RBFOX3: variants seen among roughly 807,000 people sequenced by gnomAD.
RBFOX3 encodes the protein RNA binding protein fox-1 homolog 3.
In RBFOX3, 17 loss-of-function variants were observed where a neutral mutation model predicts 48.7. The ratio of observed to expected loss-of-function variants is 0.35; its 90% CI spans 0.24 to 0.52. The LOEUF (loss-of-function observed/expected upper bound fraction) is 0.52. Ranked by LOEUF, RBFOX3 falls within the 20% of genes least tolerant of loss-of-function variation. The pLI is 0.94. For synonymous variants in RBFOX3, 212 were observed against 209.5 expected (o/e 1.01, Z -0.10); for missense variants, 382 against 497.5 (o/e 0.77, Z 2.21).
At chr17:79,636,153 G>A in the RBFOX3 span, among the ~76,000 whole-genome samples, 10 of 152,010 alleles carry the variant, frequency 6.6e-5, no homozygotes, top group Admixed American at 2.0e-4. Context: ...AGGGTGAGGG[G>A]GAGTATTTTC....
intron 1 of RBFOX3, among the ~76,000 whole-genome samples, chr17:79,521,063 C>T (rs1057259043): frequency 1.3e-5 from 2 of 152,154 alleles, no homozygotes; most frequent in East Asian, 1.9e-4. Context: ...TGGGAGGGGC[C>T]GGAAGACACG....
rs1300095342 is a variant in RBFOX3, at chr17:79,477,350, A to T, written c.-175+5104T>A. 1.3e-5 allele frequency among the ~76,000 whole-genome samples: 2 copies of T among 149,230 alleles called. No homozygotes were observed. The highest frequency in any genetic ancestry group is 3.0e-5 in the Non-Finnish European group (2 of 67,400). The stretch of plus-strand genomic sequence containing the variant: ...GGCAGGTGGATCACGAGGTCAGGAG[A>T]TCGAGATCATCCTGGCTAACACGGT... On this transcript the variant is annotated intron_variant, in intron 2 of 14. Coordinates refer to ENST00000693108, the MANE Select transcript of RBFOX3 (RefSeq NM_001350451.2). This position sits in a 1 kb window ranked among gnomAD's most constrained non-coding sequence, Gnocchi z 4.8.
chr17:79,596,124 A>G (rs2093562614), intron 1 of RBFOX3, among the ~76,000 whole-genome samples: 1 of 152,164 alleles, frequency 6.6e-6, no homozygotes, highest in Non-Finnish European at 1.5e-5. Flanking sequence ...GGTGGCTCAA[A>G]GAGACATCTG....
At chr17:79,177,578 G>C (rs1009972057) in intron 4 of RBFOX3, among the ~76,000 whole-genome samples, 1 of 152,182 alleles carries the variant, frequency 6.6e-6, no homozygotes, top group Non-Finnish European at 1.5e-5. Flanking sequence ...GGAGAGCCAG[G>C]GGGCACACTG....
intron 2 of RBFOX3, among the ~76,000 whole-genome samples, chr17:79,408,114 T>C: frequency 6.6e-6 from 1 of 152,080 alleles, no homozygotes; most frequent in Admixed American, 6.5e-5. Flanking sequence ...TTCTGTTTGC[T>C]GGTCTGTGAA....
intron 2 of RBFOX3, among the ~76,000 whole-genome samples, chr17:79,356,714 G>C (rs527955612): frequency 6.3e-4 from 96 of 152,034 alleles, no homozygotes; most frequent in African/African-American, 2.2e-3. Flanking sequence ...ACATAATTTA[G>C]TGATAGGTGT....
rs2064097697 is a variant in RBFOX3, at chr17:79,252,345, G to A, written c.-73-16540C>T. ...TCTGTCCCACATGGCTGAGGCTCAG[G>A]GTCTTCTCCCAGAAACCTGGTCCTA... is the stretch of plus-strand genomic sequence containing the variant. On this transcript the variant is annotated intron_variant, in intron 3 of 14. Transcript: ENST00000693108. This position sits in a 1 kb window ranked among gnomAD's most constrained non-coding sequence, Gnocchi z 4.0. Among the ~76,000 whole-genome samples, 1 of 152,116 alleles carries A rather than the reference G, an allele frequency of 6.6e-6. No homozygotes were observed. Among genetic ancestry groups the A allele is most frequent in the South Asian group, 2.1e-4 (1 of 4,824 alleles).
At chr17:79,379,836 C>T (rs2059668319) in intron 2 of RBFOX3, among the ~76,000 whole-genome samples, 1 of 152,168 alleles carries the variant, frequency 6.6e-6, no homozygotes, top group African/African-American at 2.4e-5. Context: ...ATGTGACCTA[C>T]AGTCCCCTCC....
chr17:79,113,834 G>C (rs2032940639), intron 5 of RBFOX3, among the ~76,000 whole-genome samples: 3 of 152,258 alleles, frequency 2.0e-5, no homozygotes, highest in East Asian at 1.9e-4. Context: ...TCAGTGCCTG[G>C]AACACGGCAG....
chr17:79,371,625 G>A (rs2058552069), intron 2 of RBFOX3, among the ~76,000 whole-genome samples: 1 of 152,146 alleles, frequency 6.6e-6, no homozygotes, highest in Admixed American at 6.5e-5. Context: ...GATGAGGAAG[G>A]TCCCACCAAC....
intron 3 of RBFOX3, among the ~76,000 whole-genome samples, chr17:79,239,452 G>C (rs922415254): frequency 6.6e-6 from 1 of 152,182 alleles, no homozygotes; most frequent in African/African-American, 2.4e-5. Flanking sequence ...CAGTGGTGCC[G>C]ACTTCCCCAA....
At chr17:79,447,137 G>T (rs2072492954) in intron 2 of RBFOX3, among the ~76,000 whole-genome samples, 1 of 152,226 alleles carries the variant, frequency 6.6e-6, no homozygotes, top group African/African-American at 2.4e-5. Flanking sequence ...TGCAGCAAAT[G>T]TGAATTTGTC....
upstream of RBFOX3, among the ~76,000 whole-genome samples, chr17:79,611,277 G>A (rs1454220299): frequency 6.6e-6 from 1 of 150,662 alleles, no homozygotes; most frequent in Non-Finnish European, 1.5e-5. Flanking sequence ...GGCGCGGGCG[G>A]CGGTGGCAGC....
rs1424780436 is a variant in RBFOX3 at position 79,220,106 on chromosome 17, CT to C, written c.-34+15659del. 6.6e-6 allele frequency among the ~76,000 whole-genome samples: 1 copy of C among 152,136 alleles called. No homozygotes were observed. Among genetic ancestry groups the C allele is most frequent in the Non-Finnish European group, 1.5e-5 (1 of 68,020 alleles). On this transcript the variant is annotated intron_variant, in intron 4 of 14. Coordinates refer to ENST00000693108, the MANE Select transcript of RBFOX3 (RefSeq NM_001350451.2). This position sits in a 1 kb window ranked among gnomAD's most constrained non-coding sequence, Gnocchi z 5.9. ...GGGGTGGGGGGGTGGGGGGAGCACG[CT>C]GAGCTTCCCAACATTTCAGCCCCAG...
At chr17:79,434,818 T>A (rs1027083180) in intron 2 of RBFOX3, among the ~76,000 whole-genome samples, 3 of 152,114 alleles carry the variant, frequency 2.0e-5, no homozygotes, top group Non-Finnish European at 4.4e-5. Context: ...GAGAACTTTT[T>A]CTCTGGAGAT....
chr17:79,336,425 AT>A (rs2081207116), intron 2 of RBFOX3, among the ~76,000 whole-genome samples: 1 of 40,944 alleles, frequency 2.4e-5, no homozygotes, highest in Non-Finnish European at 6.5e-5. Context: ...AATAAAATAA[AT>A]TGAAAAAAAA....
chr17:79,608,840 G>C (rs1018196359), intron 1 of RBFOX3, among the ~76,000 whole-genome samples: 50 of 152,292 alleles, frequency 3.3e-4, no homozygotes, highest in African/African-American at 9.4e-4. Context: ...GGCCAGCCTC[G>C]GTCCTCGGCC....
At chr17:79,463,773 C>T (rs1555751508) in intron 2 of RBFOX3, among the ~76,000 whole-genome samples, 1 of 151,756 alleles carries the variant, frequency 6.6e-6, no homozygotes, top group African/African-American at 2.4e-5. Flanking sequence ...ATCACCACTG[C>T]CACTGCCACC....
the RBFOX3 span, among the ~76,000 whole-genome samples, chr17:79,620,624 T>C: frequency 2.8e-5 from 2 of 70,658 alleles, no homozygotes; most frequent in East Asian, 4.9e-4. Flanking sequence ...CACACGCACA[T>C]GCACACACGC....
Sources: allele counts gnomAD v4.1 joint callset (sites outside exome capture counted in the v4.1 genomes callset), GRCh38; gene constraint gnomAD v4.1.1; non-coding constraint Gnocchi (gnomAD v3.1); transcripts MANE v1.5; gene names NCBI Gene and HGNC (gene_info 2026-07-23, HGNC 2026-07-21).